QTMAN: variants seen among roughly 807,000 people sequenced by gnomAD.
The protein encoded by QTMAN is tRNA-queuosine alpha-mannosyltransferase.
chr2:144,258,748 G>A, the QTMAN span, among the ~76,000 whole-genome samples: 8 of 152,034 alleles, frequency 5.3e-5, no homozygotes, highest in African/African-American at 1.9e-4. Context: ...AGCCAGCTAA[G>A]AAATGAATCA....
At chr2:144,214,921 T>C in the QTMAN span, among the ~76,000 whole-genome samples, 21 of 152,204 alleles carry the variant, frequency 1.4e-4, no homozygotes, top group African/African-American at 5.1e-4. Context: ...CTTTTTTTGT[T>C]GGTTTGGAAT....
chr2:144,290,564 C>T, the QTMAN span, among the ~76,000 whole-genome samples: 4 of 152,166 alleles, frequency 2.6e-5, no homozygotes, highest in African/African-American at 4.8e-5. Flanking sequence ...GCATATAAGT[C>T]AGAAGGCTGT....
chr2:144,035,543 C>A, the QTMAN span, among the ~76,000 whole-genome samples: 1 of 151,678 alleles, frequency 6.6e-6, no homozygotes, highest in African/African-American at 2.4e-5. Flanking sequence ...ATAAAAAGAC[C>A]ATAGTTATTT....
the QTMAN span, among the ~76,000 whole-genome samples, chr2:143,969,529 T>C: frequency 6.6e-6 from 1 of 152,148 alleles, no homozygotes; most frequent in African/African-American, 2.4e-5. Context: ...TTCCAGTGTG[T>C]ATGGGCCATG....
chr2:143,965,051 GTTC>G, the QTMAN span, among the ~76,000 whole-genome samples: 480 of 149,734 alleles, frequency 3.2e-3, no homozygotes, highest in Non-Finnish European at 3.9e-3. Context: ...TAAGCATTTT[GTTC>G]TTCTTCTTTT....
the QTMAN span, among the ~76,000 whole-genome samples, chr2:144,187,513 T>C: frequency 6.6e-6 from 1 of 152,176 alleles, no homozygotes; most frequent in Non-Finnish European, 1.5e-5. Context: ...CGCTACCACA[T>C]TGGGGATCTA....
the QTMAN span, among the ~76,000 whole-genome samples, chr2:144,054,738 A>G: frequency 1.2e-4 from 18 of 152,234 alleles, no homozygotes; most frequent in South Asian, 2.7e-3. Flanking sequence ...CTGTTCTGGG[A>G]TCAGCACTCC....
the QTMAN span, among the ~76,000 whole-genome samples, chr2:144,109,663 T>C: frequency 6.6e-6 from 1 of 151,696 alleles, no homozygotes; most frequent in Non-Finnish European, 1.5e-5. Context: ...AAAGGGCTAA[T>C]ATCCAGAATC....
the QTMAN span, among the ~76,000 whole-genome samples, chr2:144,262,643 G>A: frequency 9.9e-6 from 1 of 101,268 alleles, no homozygotes; most frequent in Non-Finnish European, 2.0e-5. Flanking sequence ...GAGGGAGAGG[G>A]GAGGGGAGAT....
the QTMAN span, among the ~76,000 whole-genome samples, chr2:144,008,507 G>A: frequency 2.0e-5 from 3 of 152,074 alleles, no homozygotes; most frequent in Non-Finnish European, 4.4e-5. Flanking sequence ...GCAACCCAAA[G>A]AGACTGGGAT....
At chr2:144,162,568 CAA>C in the QTMAN span, among the ~76,000 whole-genome samples, 1 of 151,836 alleles carries the variant, frequency 6.6e-6, no homozygotes, top group African/African-American at 2.4e-5. Flanking sequence ...GGGAAAAAAA[CAA>C]AGAGAGAAAA....
the QTMAN span, among the ~76,000 whole-genome samples, chr2:144,315,580 T>C: frequency 6.6e-6 from 1 of 152,226 alleles, no homozygotes; most frequent in Admixed American, 6.5e-5. Context: ...CACTCACATA[T>C]TTCAGTAACA....
chr2:144,287,158 C>T, the QTMAN span, among the ~76,000 whole-genome samples: 3 of 152,016 alleles, frequency 2.0e-5, no homozygotes, highest in Non-Finnish European at 4.4e-5. Flanking sequence ...TGGTATTGGC[C>T]GGGCACGGTG....
At chr2:144,186,165 T>C in the QTMAN span, among the ~76,000 whole-genome samples, 3 of 152,298 alleles carry the variant, frequency 2.0e-5, no homozygotes, top group African/African-American at 2.4e-5. Context: ...TCTGCCTTCA[T>C]CTCTTGAAAG....
the QTMAN span, among the ~76,000 whole-genome samples, chr2:144,144,668 T>C: frequency 6.6e-6 from 1 of 151,938 alleles, no homozygotes; most frequent in African/African-American, 2.4e-5. Flanking sequence ...TTGAAGCAGC[T>C]TGTAAAAATG....
the QTMAN span, among the ~76,000 whole-genome samples, chr2:144,105,748 A>G: frequency 6.6e-6 from 1 of 152,228 alleles, no homozygotes; most frequent in Non-Finnish European, 1.5e-5. Context: ...CAGGAAATAT[A>G]GAGAATGCCA....
chr2:144,115,232 AAACAACAAC>A, the QTMAN span, among the ~76,000 whole-genome samples: 2,462 of 151,114 alleles, frequency 0.016, 33 homozygotes, highest in South Asian at 0.033. Flanking sequence ...CCCTGTCTAA[AAACAACAAC>A]AACAACAACA....
At chr2:144,098,399 GT>G in the QTMAN span, among the ~76,000 whole-genome samples, 6 of 152,258 alleles carry the variant, frequency 3.9e-5, no homozygotes, top group East Asian at 1.2e-3. Context: ...TTTGCCAACT[GT>G]TTTTTAAAGT....
chr2:144,322,379 G>A, the QTMAN span, among the ~76,000 whole-genome samples: 1 of 152,136 alleles, frequency 6.6e-6, no homozygotes, highest in South Asian at 2.1e-4. Flanking sequence ...TAAAAACTTA[G>A]TAAGATAACA....
Sources: allele counts gnomAD v4.1 joint callset (sites outside exome capture counted in the v4.1 genomes callset), GRCh38; gene constraint gnomAD v4.1.1; transcripts MANE v1.5; gene names NCBI Gene and HGNC (gene_info 2026-07-23, HGNC 2026-07-21).